Variants in CPLX4 observed in about 807,000 individuals in gnomAD.
CPLX4 encodes the protein complexin 4, also known as complexin-4.
Under a neutral mutation model 16.1 loss-of-function variants are expected in CPLX4, and 17 were observed. That is an observed-to-expected ratio of 1.06 (90% CI 0.72 to 1.59). CPLX4 has a LOEUF of 1.59. CPLX4 is among the 40% of genes most tolerant of loss of function. CPLX4 has a pLI of 0.00. For missense variants in CPLX4, 193 were observed against 192.9 expected (o/e 1.00, Z 0.00); for synonymous variants, 55 against 57.8 (o/e 0.95, Z 0.22).
In CPLX4 at chr18:59,296,828, T is replaced by C; in HGVS notation, c.353A>G (p.Glu118Gly). Residue 118 changes from glutamate (E) to glycine (G), a missense_variant, in exon 3 of 3, where the codon GAA becomes GGA. By Grantham distance (98) the Glu-to-Gly change is moderately conservative (BLOSUM62 -2). Coordinates refer to ENST00000299721, the MANE Select transcript of CPLX4 (RefSeq NM_181654.4). ...KMVDEDQEEE[E>G]DKDSILGQIQ... ...CTGCCCAAGAATAGAATCTTTATCTTCTTCCTCTTCTTGATCTTCATCTAC... is the reference window on the plus strand; with the variant it reads ...CTGCCCAAGAATAGAATCTTTATCTCCTTCCTCTTCTTGATCTTCATCTAC... 1 of 1,613,892 alleles carries C rather than the reference T, an allele frequency of 6.2e-7. No individual in the cohort carries two copies. Among genetic ancestry groups the C allele is most frequent in the Non-Finnish European group, 8.5e-7 (1 of 1,180,000 alleles).
intron 2 of CPLX4, among the ~76,000 whole-genome samples, chr18:59,308,292 C>T (rs565817017): frequency 5.9e-5 from 9 of 152,028 alleles, no homozygotes; most frequent in Non-Finnish European, 1.3e-4. Context: ...CTCTCAAGGC[C>T]GAAGATTCCA....
chr18:59,318,217 T>G, intron 1 of CPLX4, 79 bp downstream of exon 1: 10 of 1,462,306 alleles, frequency 6.8e-6, no homozygotes, highest in Non-Finnish European at 8.1e-6. Flanking sequence ...CAAAGAGAAA[T>G]AAACTGGAGA....
intron 2 of CPLX4, 81 bp from the exon 3 acceptor site, chr18:59,297,006 A>G: frequency 6.6e-7 from 1 of 1,517,006 alleles, no homozygotes; most frequent in Non-Finnish European, 8.8e-7. Context: ...AAGCAGCAGG[A>G]AAAGGTCTTT....
chr18:59,306,977 C>A (rs1171707000), intron 2 of CPLX4, among the ~76,000 whole-genome samples: 2 of 152,190 alleles, frequency 1.3e-5, no homozygotes, highest in African/African-American at 2.4e-5. Flanking sequence ...AAGTATTCTG[C>A]AAACCTGGCA....
chr18:59,304,275 A>G (rs552391716), intron 2 of CPLX4, among the ~76,000 whole-genome samples: 1 of 152,308 alleles, frequency 6.6e-6, no homozygotes. Flanking sequence ...ATTAGGGTTC[A>G]TTGTGGAACT....
intron 1 of CPLX4, among the ~76,000 whole-genome samples, chr18:59,313,231 C>G (rs2070629871): frequency 6.6e-6 from 1 of 152,088 alleles, no homozygotes; most frequent in Non-Finnish European, 1.5e-5. Context: ...AAAATAGGGC[C>G]ACAGTGTCCA....
intron 2 of CPLX4, among the ~76,000 whole-genome samples, chr18:59,308,438 T>C (rs992500777): frequency 6.6e-6 from 1 of 151,706 alleles, no homozygotes; most frequent in Non-Finnish European, 1.5e-5. Context: ...ACGCACGATC[T>C]GGTCCTTAAT....
chr18:59,297,780 T>C (rs965090163), intron 2 of CPLX4, among the ~76,000 whole-genome samples: 1 of 152,234 alleles, frequency 6.6e-6, no homozygotes, highest in East Asian at 1.9e-4. Context: ...TATGCATTAA[T>C]TCACTCATCA....
At chr18:59,301,758 T>A (rs2070543048) in intron 2 of CPLX4, among the ~76,000 whole-genome samples, 1 of 152,206 alleles carries the variant, frequency 6.6e-6, no homozygotes, top group African/African-American at 2.4e-5. Context: ...CCTAGGAGAA[T>A]GAAAGATTGT....
chr18:59,307,146 A>T (rs1052342601), intron 2 of CPLX4, among the ~76,000 whole-genome samples: 10 of 152,188 alleles, frequency 6.6e-5, no homozygotes, highest in Admixed American at 4.6e-4. Context: ...GGCACGAAAA[A>T]GTCCTGGATG....
At chr18:59,318,217 T>C in intron 1 of CPLX4, 79 bp downstream of exon 1, 1 of 1,462,306 alleles carries the variant, frequency 6.8e-7, no homozygotes. Context: ...CAAAGAGAAA[T>C]AAACTGGAGA....
chr18:59,311,064 C>T (rs924278707), intron 2 of CPLX4, among the ~76,000 whole-genome samples: 2 of 151,550 alleles, frequency 1.3e-5, no homozygotes, highest in Non-Finnish European at 1.5e-5. Context: ...CCAGGGGCTT[C>T]AGCGCAGTAG....
In CPLX4 at chr18:59,296,538, C is replaced by T; in HGVS notation, c.*160G>A. 1 of 740,246 alleles carries T rather than the reference C, an allele frequency of 1.4e-6. No individual in the cohort carries two copies. Among genetic ancestry groups the T allele is most frequent in the Non-Finnish European group, 2.2e-6 (1 of 445,734 alleles). 45.9% of individuals were successfully genotyped at this position (740,246 alleles called of 1,614,324 possible). Reference sequence around the variant, plus strand: ...TGCAAGGTGTTAGCTAAATGCTCTGCCAGGAATATTTAGAACAACCAAATT... The same window carrying T: ...TGCAAGGTGTTAGCTAAATGCTCTGTCAGGAATATTTAGAACAACCAAATT... On this transcript the variant is annotated 3_prime_UTR_variant, in exon 3 of 3. Transcript: ENST00000299721.
At position 59,296,929 on chromosome 18, in the gene CPLX4, T is replaced by C. The variant is rs2070505964; in HGVS notation, c.256-4A>G. On this transcript the variant is annotated splice_region_variant and splice_polypyrimidine_tract_variant and intron_variant, in intron 2 of 2. Coordinates refer to ENST00000299721, the MANE Select transcript of CPLX4 (RefSeq NM_181654.4). ...TTTGATTCTCATCCATTTCACTCTATGTGAAAAATAAATAGAGATAGATAA... is the reference window on the plus strand; with the variant it reads ...TTTGATTCTCATCCATTTCACTCTACGTGAAAAATAAATAGAGATAGATAA... 7 of 1,601,984 alleles carry C rather than the reference T, an allele frequency of 4.4e-6. No individual in the cohort carries two copies. Among genetic ancestry groups the C allele is most frequent in the South Asian group, 1.1e-5 (1 of 87,696 alleles).
chr18:59,296,982 T>C, intron 2 of CPLX4, 57 bp from the exon 3 acceptor site: 5 of 1,555,032 alleles, frequency 3.2e-6, no homozygotes, highest in Non-Finnish European at 4.3e-6. Flanking sequence ...ACTCACTAAC[T>C]AAATAAATTT....
At chr18:59,303,311 G>A (rs940897661) in intron 2 of CPLX4, among the ~76,000 whole-genome samples, 6 of 152,304 alleles carry the variant, frequency 3.9e-5, no homozygotes, top group Admixed American at 1.3e-4. Flanking sequence ...GTGTGCATGC[G>A]TTGGGAGCTA....
In CPLX4 at chr18:59,297,984, C is replaced by T. The variant is rs117169695; in HGVS notation, c.256-1059G>A. Among the ~76,000 whole-genome samples, 1,125 of 152,296 alleles carry T rather than the reference C, an allele frequency of 7.4e-3. 6 individuals carry two copies. The highest frequency in any genetic ancestry group is 0.013 in the Non-Finnish European group (874 of 68,014). ...CTCAGCATACTGGCAGTCTAGCCTT[C>T]GGTGTTGCTGACGCTGTCACAAGCG... On this transcript the variant is annotated intron_variant, in intron 2 of 2. Transcript: ENST00000299721.
intron 1 of CPLX4, among the ~76,000 whole-genome samples, chr18:59,316,836 A>T (rs2070654365): frequency 6.6e-6 from 1 of 152,182 alleles, no homozygotes; most frequent in Non-Finnish European, 1.5e-5. Context: ...CATGCTCACA[A>T]CTGTAGTCTA....
At chr18:59,304,514 A>G (rs2070562541) in intron 2 of CPLX4, among the ~76,000 whole-genome samples, 1 of 152,198 alleles carries the variant, frequency 6.6e-6, no homozygotes, top group African/African-American at 2.4e-5. Flanking sequence ...ATTTTACTGT[A>G]ACTCTAATGG....
Sources: gnomAD v4.1 joint callset for allele counts (sites outside exome capture counted in the v4.1 genomes callset) on GRCh38, gnomAD v4.1.1 for gene constraint, MANE v1.5 for transcripts, NCBI Gene and HGNC (gene_info 2026-07-23, HGNC 2026-07-21) for gene names.